The following EPHB2 variants were observed in gnomAD, a reference collection of about 807,000 sequenced individuals.
EPHB2 encodes the protein EPH receptor B2.
In EPHB2, 18 loss-of-function variants were observed where a neutral mutation model predicts 96.4. The observed-to-expected ratio is 0.19, with a 90% CI of 0.13 to 0.28. The LOEUF (loss-of-function observed/expected upper bound fraction) is 0.28. EPHB2 is among the 10% of genes least tolerant of loss of function. EPHB2 has a pLI of 1.00. For synonymous variants in EPHB2, 506 were observed against 534.1 expected (o/e 0.95, Z 0.72); for missense variants, 989 against 1,355.4 (o/e 0.73, Z 4.25).
Position 22,861,215 on chromosome 1 carries a change from A to C in EPHB2, c.812-1822A>C, listed in dbSNP as rs552400129. On this transcript the variant is annotated intron_variant, in intron 3 of 15. Coordinates refer to ENST00000374630, the MANE Select transcript of EPHB2 (RefSeq NM_017449.5). ...GGAAACAGTTTAAGTGACTTCCCCGAGGCCACACTGCTCACACAGGTGGGT... is the reference window on the plus strand; with the variant it reads ...GGAAACAGTTTAAGTGACTTCCCCGCGGCCACACTGCTCACACAGGTGGGT... Among the ~76,000 whole-genome samples the C allele has an allele frequency of 9.3e-4, 142 of 152,312 alleles. No individual in the cohort carries two copies. In the Middle Eastern group the frequency reaches 0.02, roughly 22 times the overall value.
At chr1:22,854,883 G>A (rs1413291838) in intron 3 of EPHB2, among the ~76,000 whole-genome samples, 2 of 152,140 alleles carry the variant, frequency 1.3e-5, no homozygotes, top group Admixed American at 1.3e-4. Flanking sequence ...GCAGGAAGCA[G>A]GCAAAATATA....
At chr1:22,759,250 C>T (rs1293099137) in intron 1 of EPHB2, among the ~76,000 whole-genome samples, 1 of 152,144 alleles carries the variant, frequency 6.6e-6, no homozygotes, top group African/African-American at 2.4e-5. Flanking sequence ...CCCTTGGCCT[C>T]ACTGAACCCT....
chr1:22,794,445 C>T (rs1866794), intron 3 of EPHB2, among the ~76,000 whole-genome samples: 132,899 of 152,160 alleles, frequency 0.87, 58,627 homozygotes, highest in Non-Finnish European at 0.94. Context: ...TGTCCCACAC[C>T]GCACATACCA....
At chr1:22,857,876 A>G (rs899625463) in intron 3 of EPHB2, among the ~76,000 whole-genome samples, 5 of 152,182 alleles carry the variant, frequency 3.3e-5, no homozygotes, top group Non-Finnish European at 7.3e-5. Flanking sequence ...TGGAGAAACA[A>G]TGAAAGCCAG....
chr1:22,721,268 C>T (rs897182861), intron 1 of EPHB2, among the ~76,000 whole-genome samples: 2 of 152,306 alleles, frequency 1.3e-5, no homozygotes, highest in East Asian at 1.9e-4. Context: ...GAGCTCTGAG[C>T]GTTGCTTCCA....
intron 1 of EPHB2, among the ~76,000 whole-genome samples, chr1:22,722,104 C>T (rs773158803): frequency 1.3e-5 from 2 of 152,112 alleles, no homozygotes; most frequent in East Asian, 1.9e-4. Flanking sequence ...TGTGCCACCA[C>T]GCCTGGCTAA....
intron 6 of EPHB2, among the ~76,000 whole-genome samples, chr1:22,891,871 T>C (rs1639401789): frequency 6.6e-6 from 1 of 151,884 alleles, no homozygotes; most frequent in Admixed American, 6.6e-5. Context: ...CATGGCTTAC[T>C]GTGGCCTTGA....
intron 1 of EPHB2, among the ~76,000 whole-genome samples, chr1:22,714,236 G>A (rs1431142218): frequency 1.3e-5 from 2 of 152,162 alleles, no homozygotes; most frequent in Non-Finnish European, 2.9e-5. Flanking sequence ...CCCCCGGGGC[G>A]GCAGGTGCAC....
At chr1:22,795,994 C>T (rs2148440521) in intron 3 of EPHB2, among the ~76,000 whole-genome samples, 1 of 152,278 alleles carries the variant, frequency 6.6e-6, no homozygotes, top group Non-Finnish European at 1.5e-5. Flanking sequence ...CCACCCAGGG[C>T]AGAGACCAAG....
At chr1:22,795,500 C>T (rs1162465370) in intron 3 of EPHB2, among the ~76,000 whole-genome samples, 2 of 147,084 alleles carry the variant, frequency 1.4e-5, no homozygotes, top group East Asian at 4.0e-4. Flanking sequence ...TGTTTTGCCC[C>T]CATAGCTTGG....
At chr1:22,863,579 C>G (rs6658621) in intron 4 of EPHB2, among the ~76,000 whole-genome samples, 5,596 of 152,292 alleles carry the variant, frequency 0.037, 329 homozygotes, top group African/African-American at 0.13. Flanking sequence ...TCTAGGAAGG[C>G]ACTGCCTGAG....
intron 3 of EPHB2, among the ~76,000 whole-genome samples, chr1:22,807,177 A>G (rs1419328347): frequency 6.6e-6 from 1 of 152,082 alleles, no homozygotes; most frequent in East Asian, 1.9e-4. Context: ...TGCTTCCTGG[A>G]ATTTGGGCTG....
chr1:22,717,626 TGAGATGCTGTGTACCATGACTGGCA>T (rs1213851807), intron 1 of EPHB2, among the ~76,000 whole-genome samples: 3 of 152,040 alleles, frequency 2.0e-5, no homozygotes, highest in Non-Finnish European at 4.4e-5. Flanking sequence ...GAGGATTCAG[TGAGATGCTGTGTACCATGACTGGCA>T]GAACTGCCTG....
rs1643761899 is a variant in EPHB2, at chr1:22,733,553, A to G, written c.61+22510A>G. On this transcript the variant is annotated intron_variant, in intron 1 of 15. Coordinates refer to ENST00000374630, the MANE Select transcript of EPHB2 (RefSeq NM_017449.5). The surrounding 1 kb of genome is among the most constrained non-coding windows in gnomAD (Gnocchi z 4.6). ...AGTTTTGCACGGTGGAAATCAGCAT[A>G]TACCATGGCCTTATTATGTGCCATG... Among the ~76,000 whole-genome samples, 2 of 152,254 alleles carry G rather than the reference A, an allele frequency of 1.3e-5. No individual in the cohort carries two copies. The highest frequency in any genetic ancestry group is 4.1e-4 in the South Asian group (2 of 4,838).
intron 1 of EPHB2, among the ~76,000 whole-genome samples, chr1:22,739,765 G>T (rs1237285884): frequency 3.3e-5 from 5 of 152,160 alleles, no homozygotes; most frequent in African/African-American, 1.2e-4. Flanking sequence ...GTCTGAGCCT[G>T]CGCAGCAGCC....
chr1:22,876,647 C>T (rs888066301), intron 5 of EPHB2, among the ~76,000 whole-genome samples: 1 of 152,210 alleles, frequency 6.6e-6, no homozygotes, highest in Non-Finnish European at 1.5e-5. Context: ...CCCCTGTCAG[C>T]GTGCCCGGCT....
chr1:22,831,283 G>T (rs1025485052), intron 3 of EPHB2, among the ~76,000 whole-genome samples: 3 of 152,164 alleles, frequency 2.0e-5, no homozygotes, highest in African/African-American at 7.2e-5. Flanking sequence ...AGGTGTTCAG[G>T]TCCTGGGAGG....
chr1:22,760,398 A>G (rs1325509259), intron 1 of EPHB2, among the ~76,000 whole-genome samples: 1 of 152,144 alleles, frequency 6.6e-6, no homozygotes, highest in Non-Finnish European at 1.5e-5. Flanking sequence ...TTCTTTAAGG[A>G]CAGGGACAAC....
intron 2 of EPHB2, among the ~76,000 whole-genome samples, chr1:22,781,716 C>T (rs1481978470): frequency 2.0e-5 from 3 of 152,104 alleles, no homozygotes; most frequent in African/African-American, 4.8e-5. Flanking sequence ...GCCTTTATCC[C>T]GTGGAATCCT....
Sources: allele counts gnomAD v4.1 joint callset (sites outside exome capture counted in the v4.1 genomes callset), GRCh38; gene constraint gnomAD v4.1.1; non-coding constraint Gnocchi (gnomAD v3.1); transcripts MANE v1.5; gene names NCBI Gene and HGNC (gene_info 2026-07-23, HGNC 2026-07-21).